The following COL4A4 variants were observed in gnomAD, a reference collection of about 807,000 sequenced individuals.
COL4A4 encodes the protein collagen alpha-4(IV) chain.
In COL4A4, 105 loss-of-function variants were observed where a neutral mutation model predicts 192.9. The ratio of observed to expected loss-of-function variants is 0.54; its 90% CI spans 0.46 to 0.64. COL4A4 has a LOEUF of 0.64. COL4A4 is among the 30% of genes least tolerant of loss of function. The pLI, the probability that COL4A4 is intolerant of heterozygous loss-of-function variation, is 0.00. For synonymous variants in COL4A4, 762 were observed against 769.9 expected (o/e 0.99, Z 0.17); for missense variants, 1,967 against 2,169.3 (o/e 0.91, Z 1.85).
chr2:226,981,569 TAC>T, the COL4A4 span, among the ~76,000 whole-genome samples: 84 of 150,238 alleles, frequency 5.6e-4, no homozygotes, highest in South Asian at 5.9e-3. Context: ...TGCACACACA[TAC>T]ACACACACAC....
chr2:227,132,421 GTTACT>G (rs1429460017), intron 4 of COL4A4, among the ~76,000 whole-genome samples: 1 of 152,162 alleles, frequency 6.6e-6, no homozygotes, highest in Non-Finnish European at 1.5e-5. Context: ...GTGCTCAATG[GTTACT>G]TGCCGAATGA....
the COL4A4 span, among the ~76,000 whole-genome samples, chr2:226,970,676 C>T: frequency 3.9e-5 from 6 of 152,350 alleles, no homozygotes; most frequent in South Asian, 1.2e-3. Flanking sequence ...TACTTTTCAT[C>T]TCTGCCAGCC....
At chr2:227,047,805 A>G (rs761273314) in intron 34 of COL4A4, among the ~76,000 whole-genome samples, 5 of 151,720 alleles carry the variant, frequency 3.3e-5, no homozygotes, top group Non-Finnish European at 7.4e-5. Flanking sequence ...CCAGGTATTG[A>G]TAAGTTTGAG....
chr2:227,070,072 C>T (rs1357595496), intron 25 of COL4A4, among the ~76,000 whole-genome samples: 4 of 151,926 alleles, frequency 2.6e-5, no homozygotes, highest in African/African-American at 9.7e-5. Context: ...CATGAACAGA[C>T]ACTTCTCAAA....
At chr2:227,150,673 G>C (rs1379817729) in intron 1 of COL4A4, among the ~76,000 whole-genome samples, 1 of 152,166 alleles carries the variant, frequency 6.6e-6, no homozygotes, top group East Asian at 1.9e-4. Context: ...ATAGCAGAAG[G>C]CACCTCTTCA....
intron 1 of COL4A4, among the ~76,000 whole-genome samples, chr2:227,155,770 A>G (rs544888056): frequency 6.6e-6 from 1 of 152,114 alleles, no homozygotes; most frequent in East Asian, 1.9e-4. Flanking sequence ...CTCCATTGCT[A>G]TCTCTGTGCT....
intron 31 of COL4A4, among the ~76,000 whole-genome samples, chr2:227,052,981 T>G (rs1175748776): frequency 6.6e-6 from 1 of 152,108 alleles, no homozygotes; most frequent in Non-Finnish European, 1.5e-5. Flanking sequence ...TTACCACAAT[T>G]CAAGAACCCT....
chr2:227,111,549 G>A (rs980397952), intron 9 of COL4A4, 129 bp downstream of exon 9: 11 of 976,886 alleles, frequency 1.1e-5, no homozygotes, highest in East Asian at 2.4e-5. Flanking sequence ...TTTGAACAGG[G>A]AACCCACATT....
intron 22 of COL4A4, among the ~76,000 whole-genome samples, chr2:227,084,843 C>T (rs1369738684): frequency 6.6e-6 from 1 of 152,116 alleles, no homozygotes; most frequent in Non-Finnish European, 1.5e-5. Flanking sequence ...ACAAAAACTC[C>T]TCTCCGGGCT....
intron 44 of COL4A4, among the ~76,000 whole-genome samples, chr2:227,017,359 T>C (rs1158086097): frequency 6.6e-6 from 1 of 152,220 alleles, no homozygotes; most frequent in Non-Finnish European, 1.5e-5. Context: ...TTCAGAGCTT[T>C]CCACCTTACG....
At chr2:227,059,327 TA>T in intron 28 of COL4A4, 77 bp downstream of exon 28, 3 of 1,230,334 alleles carry the variant, frequency 2.4e-6, no homozygotes, top group Non-Finnish European at 3.6e-6. Context: ...TAAAGCAAAA[TA>T]ATCTAAACGT....
At chr2:227,001,200 T>G, downstream of COL4A4, among the ~76,000 whole-genome samples, 1 of 152,168 alleles carries the variant, frequency 6.6e-6, no homozygotes, top group South Asian at 2.1e-4. Context: ...GTTGATGCCA[T>G]TCTCCTGCCT....
chr2:227,163,816 C>CA (rs1389524261), intron 1 of COL4A4, among the ~76,000 whole-genome samples, 191 bp downstream of exon 1: 1 of 152,210 alleles, frequency 6.6e-6, no homozygotes, highest in Non-Finnish European at 1.5e-5. Flanking sequence ...TTAATCAAAA[C>CA]ACACAGCACC....
chr2:227,098,748 C>A lies in COL4A4; in HGVS notation c.1150G>T (p.Val384Phe). Residue 384 changes from valine to phenylalanine, a missense_variant, in exon 19 of 48, where the codon GTT becomes TTT. By Grantham distance (50) the Val-to-Phe change is conservative. Transcript: ENST00000396625. The stretch of plus-strand genomic sequence containing the variant: ...AGACCTGGGGGACCAGGTGGTCCAA[C>A]ATCCCCTGTTTCTCCATAGCGGCCA... Reference protein sequence around the residue: ...FPGRYGETGDVGPPGPPGLLG... With the variant: ...FPGRYGETGDFGPPGPPGLLG... 2 of 1,614,146 alleles carry A rather than the reference C, an allele frequency of 1.2e-6. No homozygotes were observed. Among genetic ancestry groups the A allele is most frequent in the South Asian group, 2.2e-5 (2 of 91,080 alleles).
In COL4A4 at chr2:227,043,084, C is replaced by A. The variant is rs774821528; in HGVS notation, c.3390G>T (p.Gly1130=). The A allele has an allele frequency of 8.7e-6, 14 of 1,612,394 alleles. No individual in the cohort carries two copies. In the East Asian group the frequency reaches 8.9e-5, roughly 10 times the overall value. ...PGPPGSSGPP[G]CPGDHGMPGL... ...GATTTCCTTTCAAGGTACCTGGGCA[C>A]CCTGGTGGTCCAGAGGAGCCAGGTG... Residue 1130 remains glycine, a synonymous_variant, in exon 36 of 48, where the codon GGG becomes GGT. Coordinates refer to ENST00000396625, the MANE Select transcript of COL4A4 (RefSeq NM_000092.5).
the COL4A4 span, among the ~76,000 whole-genome samples, chr2:226,968,442 T>C: frequency 6.6e-6 from 1 of 152,202 alleles, no homozygotes; most frequent in Non-Finnish European, 1.5e-5. Context: ...AGCTCTGCTC[T>C]TAAGGCCTTT....
chr2:227,096,179 G>C (rs896559205), intron 19 of COL4A4, among the ~76,000 whole-genome samples: 2 of 152,116 alleles, frequency 1.3e-5, no homozygotes, highest in African/African-American at 4.8e-5. Flanking sequence ...GAAATTCTGA[G>C]CTACCATATA....
At chr2:227,033,122 T>A (rs892324753) in intron 38 of COL4A4, among the ~76,000 whole-genome samples, 5 of 152,222 alleles carry the variant, frequency 3.3e-5, no homozygotes, top group Non-Finnish European at 5.9e-5. Context: ...TTTTGAAATC[T>A]GGCTCAATTG....
chr2:227,083,404 G>A (rs901674336), intron 22 of COL4A4, among the ~76,000 whole-genome samples: 1 of 152,124 alleles, frequency 6.6e-6, no homozygotes, highest in Non-Finnish European at 1.5e-5. Flanking sequence ...CAAGCCAGTT[G>A]CTTTGCTCAC....
Sources: allele counts gnomAD v4.1 joint callset (sites outside exome capture counted in the v4.1 genomes callset), GRCh38; gene constraint gnomAD v4.1.1; transcripts MANE v1.5; gene names NCBI Gene and HGNC (gene_info 2026-07-23, HGNC 2026-07-21).